CYLD: variants seen among roughly 807,000 people sequenced by gnomAD.
The protein encoded by CYLD is CYLD lysine 63 deubiquitinase.
In CYLD, 26 loss-of-function variants were observed where a neutral mutation model predicts 104.5. The observed-to-expected ratio is 0.25, with a 90% CI of 0.18 to 0.35. The LOEUF (loss-of-function observed/expected upper bound fraction) is 0.35. Ranked by LOEUF, CYLD falls within the 10% of genes least tolerant of loss-of-function variation. The probability of loss-of-function intolerance (pLI) is 1.00; values close to 1 mark genes in which losing one functional copy is unlikely to be tolerated. For synonymous variants in CYLD, 385 were observed against 399.9 expected (o/e 0.96, Z 0.45); for missense variants, 703 against 1,136.1 (o/e 0.62, Z 5.48).
In CYLD at chr16:50,793,785, A is replaced by G. The variant is rs1971675107; in HGVS notation, c.2469+121A>G. The G allele has an allele frequency of 1.1e-5, 8 of 760,284 alleles. No homozygotes were observed. The South Asian group carries it at 1.2e-4, about 11-fold the overall frequency. 47.1% of individuals were successfully genotyped at this position (760,284 alleles called of 1,614,324 possible). ...CATAATTAACGGTTAAAAATTCACA[A>G]TAAAATGGTATTGCTTTTGCCTTTT... On this transcript the variant is annotated intron_variant, in intron 17 of 18. Coordinates refer to ENST00000427738, the MANE Select transcript of CYLD (RefSeq NM_001378743.1).
chr16:50,791,458 A>G, intron 14 of CYLD, 100 bp from the exon 15 acceptor site: 1 of 1,252,746 alleles, frequency 8.0e-7, no homozygotes, highest in Non-Finnish European at 1.2e-6. Context: ...CATCAATTTT[A>G]TGGTTTTTCT....
chr16:50,761,708 T>G (rs1967942585), intron 5 of CYLD, among the ~76,000 whole-genome samples: 1 of 151,268 alleles, frequency 6.6e-6, no homozygotes, highest in Admixed American at 6.6e-5. Context: ...TTTCCCTGTG[T>G]TTTCTTCTAG....
At chr16:50,766,095 T>C (rs1040154383) in intron 5 of CYLD, among the ~76,000 whole-genome samples, 5 of 152,214 alleles carry the variant, frequency 3.3e-5, no homozygotes, top group African/African-American at 1.2e-4. Flanking sequence ...GAAGATACCA[T>C]CTAAGACTTT....
At position 50,791,588 on chromosome 16, in the gene CYLD, C is replaced by T. The variant is rs2151029586; in HGVS notation, c.2139C>T (p.Tyr713=). Residue 713 remains tyrosine, a synonymous_variant, in exon 15 of 19, where the codon TAC becomes TAT. Coordinates refer to ENST00000427738, the MANE Select transcript of CYLD (RefSeq NM_001378743.1). ...CAGGTCAAAAGGTACAAGATTGTTACTTCTATCAAATTTTTATGGAAAAAA... is the reference window on the plus strand; with the variant it reads ...CAGGTCAAAAGGTACAAGATTGTTATTTCTATCAAATTTTTATGGAAAAAA... ...RSAGQKVQDC[Y]FYQIFMEKNE... 6.2e-7 allele frequency: 1 copy of T among 1,613,790 alleles called. No homozygotes were observed.
chr16:50,787,558 A>C, intron 13 of CYLD: 1 of 468,920 alleles, frequency 2.1e-6, no homozygotes, highest in East Asian at 3.9e-5. Flanking sequence ...CACCCTTTCA[A>C]ATGTAATAAA....
At chr16:50,795,750 A>G (rs777693241) in intron 18 of CYLD, 2 of 596,366 alleles carry the variant, frequency 3.4e-6, no homozygotes, top group Non-Finnish European at 6.0e-6. Context: ...TGCACTAAAC[A>G]GCGTAACACA....
At position 50,784,560 on chromosome 16, in the gene CYLD, A is replaced by G. The variant is rs1397223250; in HGVS notation, c.1949+109A>G. 5.1e-6 allele frequency: 6 copies of G among 1,175,318 alleles called. No individual in the cohort carries two copies. In the African/African-American group the frequency reaches 9.1e-5, roughly 18 times the overall value. 72.8% of individuals were successfully genotyped at this position (1,175,318 alleles called of 1,614,324 possible). A position where few individuals can be genotyped will look rare whatever the true frequency, so the allele number is the denominator to read the frequency against. On this transcript the variant is annotated intron_variant, in intron 12 of 18. Coordinates refer to ENST00000427738, the MANE Select transcript of CYLD (RefSeq NM_001378743.1). ...TCTTCATGTAATAAGAGATGGGTGAAAATTAGTTCTTATGGTAAAATATTA... is the reference window on the plus strand; with the variant it reads ...TCTTCATGTAATAAGAGATGGGTGAGAATTAGTTCTTATGGTAAAATATTA...
intron 1 of CYLD, chr16:50,742,409 C>T (rs566877087): frequency 1.4e-4 from 26 of 179,650 alleles, no homozygotes; most frequent in Admixed American, 9.4e-4. Flanking sequence ...GTTTCCCCCC[C>T]CCACCGGGGC....
rs1972065736 is a variant in CYLD at position 50,796,537 on chromosome 16, T to C, written c.*29T>C. On this transcript the variant is annotated 3_prime_UTR_variant, in exon 19 of 19. Transcript: ENST00000427738. ...GGGTCATCGGGAAAGGCAAAGAAAC[T>C]GAAGGCAGAGTCCTAACGTTGCATC... 7.5e-6 allele frequency: 12 copies of C among 1,607,572 alleles called. No individual in the cohort carries two copies. The highest frequency in any genetic ancestry group is 1.0e-5 in the Non-Finnish European group (12 of 1,177,974).
At chr16:50,757,621 C>T (rs1967407626) in intron 5 of CYLD, among the ~76,000 whole-genome samples, 1 of 151,954 alleles carries the variant, frequency 6.6e-6, no homozygotes, top group Non-Finnish European at 1.5e-5. Flanking sequence ...ACTGCAAGCT[C>T]CGACTCCTGG....
chr16:50,765,657 G>A (rs915240705), intron 5 of CYLD, among the ~76,000 whole-genome samples: 5 of 152,192 alleles, frequency 3.3e-5, no homozygotes, highest in Non-Finnish European at 7.4e-5. Flanking sequence ...AGTTAGCTAA[G>A]TTGTGAATGC....
intron 2 of CYLD, among the ~76,000 whole-genome samples, chr16:50,747,686 A>G (rs1596958101): frequency 6.6e-6 from 1 of 152,220 alleles, no homozygotes; most frequent in Admixed American, 6.5e-5. Flanking sequence ...GTGTCAAGAT[A>G]GAGGTTTCCA....
chr16:50,788,444 T>C (rs191781830), intron 14 of CYLD, among the ~76,000 whole-genome samples: 1 of 152,334 alleles, frequency 6.6e-6, no homozygotes, highest in East Asian at 1.9e-4. Context: ...TTGAGAATCT[T>C]AGTAATATCC....
chr16:50,760,516 T>A (rs1967777960), intron 5 of CYLD, among the ~76,000 whole-genome samples: 1 of 152,180 alleles, frequency 6.6e-6, no homozygotes, highest in African/African-American at 2.4e-5. Flanking sequence ...ATATTCTTAT[T>A]CCCCCTTCCC....
At position 50,754,410 on chromosome 16, in the gene CYLD, A is replaced by G. The variant is rs772008589; in HGVS notation, c.899A>G (p.Asn300Ser). The change falls in exon 5 of 19, where the codon AAT becomes AGT. Residue 300 changes from asparagine (N) to serine (S), a missense_variant. Physicochemically the swap from Asn to Ser is conservative, Grantham distance 46. Transcript: ENST00000427738. ...GAAAGTACAATTCTATTGCACATCA[A>G]TGATATCATCCCAGGTATGTTTTCT... The part of the protein sequence containing the change: ...CVESTILLHI[N>S]DIIPALSESV... 4.4e-6 allele frequency: 7 copies of G among 1,605,218 alleles called. No homozygotes were observed. The highest frequency in any genetic ancestry group is 2.7e-5 in the African/African-American group (2 of 74,762).
At chr16:50,747,082 G>T (rs1283249452) in intron 2 of CYLD, among the ~76,000 whole-genome samples, 1 of 152,110 alleles carries the variant, frequency 6.6e-6, no homozygotes, top group Non-Finnish European at 1.5e-5. Context: ...ATTTTAAAGA[G>T]AACCAAAACA....
chr16:50,755,104 TAC>T (rs376548781), intron 5 of CYLD, among the ~76,000 whole-genome samples: 66,754 of 136,270 alleles, frequency 0.49, 20,097 homozygotes, highest in African/African-American at 0.65. Flanking sequence ...CATACATATA[TAC>T]ACACATATAC....
chr16:50,781,127 GGT>G (rs1441115050), intron 9 of CYLD, 117 bp from the exon 10 acceptor site: 1 of 1,041,120 alleles, frequency 9.6e-7, no homozygotes, highest in African/African-American at 1.6e-5. Context: ...TCTCAGTACA[GGT>G]GCGAAGAGGG....
At chr16:50,750,671 C>G (rs1475394977) in intron 3 of CYLD, among the ~76,000 whole-genome samples, 1 of 152,154 alleles carries the variant, frequency 6.6e-6, no homozygotes, top group Non-Finnish European at 1.5e-5. Context: ...CAAAGAGATT[C>G]ACCTGGCTAT....
Sources: gnomAD v4.1 joint callset for allele counts (sites outside exome capture counted in the v4.1 genomes callset) on GRCh38, gnomAD v4.1.1 for gene constraint, MANE v1.5 for transcripts, NCBI Gene and HGNC (gene_info 2026-07-23, HGNC 2026-07-21) for gene names.